The following MAPK8IP3 variants were observed in gnomAD, a reference collection of about 807,000 sequenced individuals.
The protein encoded by MAPK8IP3 is mitogen-activated protein kinase 8 interacting protein 3, also known as C-Jun-amino-terminal kinase-interacting protein 3.
In MAPK8IP3, 49 loss-of-function variants were observed where a neutral mutation model predicts 157.8. That is an observed-to-expected ratio of 0.31 (90% CI 0.25 to 0.39). The LOEUF (loss-of-function observed/expected upper bound fraction) is 0.39, where lower values mean the gene tolerates loss of function less well. Among genes scored for constraint, MAPK8IP3 ranks in the 10% least tolerant of loss-of-function variants. The pLI, the probability that MAPK8IP3 is intolerant of heterozygous loss-of-function variation, is 1.00. For missense variants in MAPK8IP3, 1,478 were observed against 1,889.4 expected (o/e 0.78, Z 4.04); for synonymous variants, 897 against 777.7 (o/e 1.15, Z -2.55).
At position 1,729,502 on chromosome 16, in the gene MAPK8IP3, G is replaced by T; in HGVS notation, c.526G>T (p.Val176Leu). The change falls in exon 4 of 32, where the codon GTG becomes TTG. Residue 176 changes from valine to leucine, a missense_variant. Transcript: ENST00000610761. ...QRHTEMIQTY[V>L]EHIERSKMQQ... ...CTCCTCGCAGATGATACAGACCTACGTGGAGCACATTGAGAGGTCCAAGAT... is the reference window on the plus strand; with the variant it reads ...CTCCTCGCAGATGATACAGACCTACTTGGAGCACATTGAGAGGTCCAAGAT... 1 of 1,613,056 alleles carries T rather than the reference G, an allele frequency of 6.2e-7. No individual in the cohort carries two copies. The highest frequency in any genetic ancestry group is 1.1e-5 in the South Asian group (1 of 90,954).
intron 5 of MAPK8IP3, chr16:1,744,099 A>G: frequency 2.0e-6 from 2 of 986,246 alleles, no homozygotes; most frequent in Non-Finnish European, 2.4e-6. Context: ...TGCACCTCAG[A>G]GCACAGGGGC....
chr16:1,715,376 A>G (rs1327486871), intron 1 of MAPK8IP3, among the ~76,000 whole-genome samples: 1 of 152,098 alleles, frequency 6.6e-6, no homozygotes, highest in Non-Finnish European at 1.5e-5. Flanking sequence ...TTTTAGACCT[A>G]GGTGGCCAGG....
chr16:1,735,460 AGCGTCC>A (rs2039628480), intron 4 of MAPK8IP3, among the ~76,000 whole-genome samples: 1 of 118,916 alleles, frequency 8.4e-6, no homozygotes, highest in African/African-American at 4.0e-5. Context: ...CGTCCGTGTG[AGCGTCC>A]GTGTGAGAGT....
intron 4 of MAPK8IP3, among the ~76,000 whole-genome samples, chr16:1,738,454 A>ATG (rs1491170140): frequency 1.6e-5 from 1 of 61,438 alleles, no homozygotes. Flanking sequence ...CCATGTGAGC[A>ATG]TGTGTGACCG....
At chr16:1,738,134 GTGTGTGTGACCATCCA>G in intron 4 of MAPK8IP3, among the ~76,000 whole-genome samples, 1 of 96,360 alleles carries the variant, frequency 1.0e-5, no homozygotes, top group Non-Finnish European at 2.0e-5. Flanking sequence ...GTGACTGTCC[GTGTGTGTGACCATCCA>G]TGTGAGCATC....
At chr16:1,713,426 A>C (rs1421216132) in intron 1 of MAPK8IP3, 1 of 152,224 alleles carries the variant, frequency 6.6e-6, no homozygotes, top group Non-Finnish European at 1.5e-5. Flanking sequence ...CAGGGCTTCC[A>C]TACTGGACAG....
At position 1,766,009 on chromosome 16, in the gene MAPK8IP3, C is replaced by T. The variant is rs534690085; in HGVS notation, c.2496C>T (p.Asp832=). 3.7e-5 allele frequency: 60 copies of T among 1,612,812 alleles called. No homozygotes were observed. Among genetic ancestry groups the T allele is most frequent in the Admixed American group, 1.7e-4 (10 of 60,010 alleles). ...CCGGGGAGATGTTCCTGGACAGCGA[C>T]GTGAACCCAGAGGACCCGGGCGCAG... ...YPPGEMFLDS[D]VNPEDPGADG... The change falls in exon 21 of 32, where the codon GAC becomes GAT. Residue 832 remains aspartate (D), a synonymous_variant. Transcript: ENST00000610761.
intron 2 of MAPK8IP3, among the ~76,000 whole-genome samples, chr16:1,726,823 C>T (rs977158941): frequency 1.3e-5 from 2 of 152,242 alleles, no homozygotes; most frequent in Non-Finnish European, 2.9e-5. Flanking sequence ...CTGTGGGGCT[C>T]TGACCTCACA....
rs918017150 is a variant in MAPK8IP3 at position 1,747,350 on chromosome 16, A to T, written c.994+75A>T. On this transcript the variant is annotated intron_variant, in intron 6 of 31. Transcript: ENST00000610761. ...CTTGGTTTGGGTAGATGTGAAACTA[A>T]TGCACCAGGCGGGCAGTGCAGGCAG... 3.9e-6 allele frequency: 6 copies of T among 1,558,108 alleles called. No individual in the cohort carries two copies. In the African/African-American group the frequency reaches 5.4e-5, roughly 14 times the overall value.
rs995350736 is a variant in MAPK8IP3, at chr16:1,710,975, A to G, written c.318+4318A>G. On this transcript the variant is annotated intron_variant, in intron 1 of 31. Coordinates refer to ENST00000610761, the MANE Select transcript of MAPK8IP3 (RefSeq NM_001318852.2). This position sits in a 1 kb window ranked among gnomAD's most constrained non-coding sequence, Gnocchi z 4.1. Reference sequence around the variant, plus strand: ...GCCAGCCAGAGAGAACACGGGACAGAGGCCGAAGTGGCCCGGAGGCCGCTG... The same window carrying G: ...GCCAGCCAGAGAGAACACGGGACAGGGGCCGAAGTGGCCCGGAGGCCGCTG... Among the ~76,000 whole-genome samples the G allele has an allele frequency of 9.2e-5, 14 of 152,226 alleles. No homozygotes were observed. The highest frequency in any genetic ancestry group is 3.4e-4 in the African/African-American group (14 of 41,462).
intron 8 of MAPK8IP3, among the ~76,000 whole-genome samples, chr16:1,753,723 G>A (rs2041432305): frequency 6.6e-6 from 1 of 151,766 alleles, no homozygotes; most frequent in East Asian, 1.9e-4. Context: ...TTACAGGCGT[G>A]AGCCACCGTG....
intron 7 of MAPK8IP3, 55 bp from the exon 8 acceptor site, chr16:1,748,547 C>T: frequency 4.2e-6 from 6 of 1,430,888 alleles, no homozygotes; most frequent in Non-Finnish European, 5.9e-6. Flanking sequence ...CAGACGCAGC[C>T]ACTCCGGGCT....
chr16:1,759,806 C>A, intron 10 of MAPK8IP3, 152 bp from the exon 11 acceptor site: 1 of 683,546 alleles, frequency 1.5e-6, no homozygotes. Context: ...CAGCATGAGC[C>A]CCGCCCTTCA....
At chr16:1,738,916 ATG>A (rs755822824) in intron 4 of MAPK8IP3, among the ~76,000 whole-genome samples, 1 of 83,664 alleles carries the variant, frequency 1.2e-5, no homozygotes, top group Non-Finnish European at 2.2e-5. Flanking sequence ...TGTAGCATCC[ATG>A]TGTGTGAGCG....
intron 8 of MAPK8IP3, among the ~76,000 whole-genome samples, chr16:1,753,146 G>A (rs1014030280): frequency 6.6e-6 from 1 of 152,228 alleles, no homozygotes; most frequent in Non-Finnish European, 1.5e-5. Flanking sequence ...CAGCGTCTAC[G>A]TGGGCGGCCC....
chr16:1,766,028 G>T lies in MAPK8IP3; in HGVS notation c.2515G>T (p.Gly839Cys). The T allele has an allele frequency of 2.5e-6, 4 of 1,612,848 alleles. No individual in the cohort carries two copies. The highest frequency in any genetic ancestry group is 3.4e-6 in the Non-Finnish European group (4 of 1,179,952). ...LDSDVNPEDP[G>C]ADGVLAGITL... ...CAGCGACGTGAACCCAGAGGACCCG[G>T]GCGCAGATGGCGTGCTGGCCGGTAT... The change falls in exon 21 of 32, where the codon GGC (glycine) becomes TGC (cysteine). Residue 839 changes from glycine to cysteine, a missense_variant. Coordinates refer to ENST00000610761, the MANE Select transcript of MAPK8IP3 (RefSeq NM_001318852.2).
At position 1,760,035 on chromosome 16, in the gene MAPK8IP3, G is replaced by A. The variant is rs991264286; in HGVS notation, c.1304+20G>A. 3.7e-6 allele frequency: 6 copies of A among 1,613,786 alleles called. No individual in the cohort carries two copies. In the African/African-American group the frequency reaches 6.7e-5, roughly 18 times the overall value. On this transcript the variant is annotated intron_variant, in intron 11 of 31. Transcript: ENST00000610761. ...AACCAAGTAAGAGTGCCCTTCTCCT[G>A]TGTGGTGGGGCTGAGGCAGCCCTCC...
At position 1,768,339 on chromosome 16, in the gene MAPK8IP3, G is replaced by C. The variant is rs1284634162; in HGVS notation, c.3703G>C (p.Gly1235Arg). ...GGCCCAGGCCCAGCTATGCTTCCAT[G>C]GGCACCGCGATGCCGTGAAGTTCTT... Reference protein sequence around the residue: ...SMAQAQLCFHGHRDAVKFFVS... With the variant: ...SMAQAQLCFHRHRDAVKFFVS... Residue 1235 changes from glycine to arginine, a missense_variant, in exon 30 of 32, where the codon GGG becomes CGG. Physicochemically the swap from Gly to Arg is moderately radical, Grantham distance 125. Transcript: ENST00000610761. 1 of 1,606,380 alleles carries C rather than the reference G, an allele frequency of 6.2e-7. No individual in the cohort carries two copies. Among genetic ancestry groups the C allele is most frequent in the South Asian group, 1.1e-5 (1 of 91,078 alleles).
At chr16:1,755,045 A>G (rs2041515475) in intron 8 of MAPK8IP3, among the ~76,000 whole-genome samples, 1 of 152,226 alleles carries the variant, frequency 6.6e-6, no homozygotes, top group African/African-American at 2.4e-5. Context: ...CAGTAGAGGA[A>G]ACATGTGAGA....
Sources: gnomAD v4.1 joint callset for allele counts (sites outside exome capture counted in the v4.1 genomes callset) on GRCh38, gnomAD v4.1.1 for gene constraint, Gnocchi (gnomAD v3.1) non-coding constraint, MANE v1.5 for transcripts, NCBI Gene and HGNC (gene_info 2026-07-23, HGNC 2026-07-21) for gene names.